Variants in ONECUT1 observed in about 807,000 individuals in gnomAD.
ONECUT1 encodes one cut homeobox 1.
In ONECUT1, 12 loss-of-function variants were observed where a neutral mutation model predicts 25.6. The observed-to-expected ratio is 0.47, with a 90% CI of 0.30 to 0.76. The LOEUF (loss-of-function observed/expected upper bound fraction) is 0.76, where lower values mean the gene tolerates loss of function less well. Among genes scored for constraint, ONECUT1 ranks in the 30% least tolerant of loss-of-function variants. The pLI is 0.07. For missense variants in ONECUT1, 620 were observed against 651.2 expected (o/e 0.95, Z 0.52); for synonymous variants, 285 against 270.2 (o/e 1.05, Z -0.54).
chr15:52,783,031 G>A (rs1261332352), intron 1 of ONECUT1, among the ~76,000 whole-genome samples: 1 of 152,098 alleles, frequency 6.6e-6, no homozygotes, highest in African/African-American at 2.4e-5. Flanking sequence ...GATAACTTGG[G>A]GTAGCAGCAT....
chr15:52,764,901 C>T (rs551273237), intron 1 of ONECUT1, among the ~76,000 whole-genome samples: 9 of 152,312 alleles, frequency 5.9e-5, no homozygotes, highest in African/African-American at 1.7e-4. Context: ...AGAAGAGAAA[C>T]GTCCAGGCGG....
At chr15:52,758,318 G>C (rs963827268) in intron 1 of ONECUT1, among the ~76,000 whole-genome samples, 1 of 152,178 alleles carries the variant, frequency 6.6e-6, no homozygotes, top group Middle Eastern at 3.4e-3. Context: ...GCCCTCAAAG[G>C]GTTTATAGTC....
rs147044668 is a variant in ONECUT1, at chr15:52,775,615, G to A, written c.1105+13165C>T. 2.7e-3 allele frequency among the ~76,000 whole-genome samples: 414 copies of A among 152,146 alleles called. 2 individuals carry two copies. The highest frequency in any genetic ancestry group is 9.8e-3 in the African/African-American group (407 of 41,508). On this transcript the variant is annotated intron_variant, in intron 1 of 1. Coordinates refer to ENST00000305901, the MANE Select transcript of ONECUT1 (RefSeq NM_004498.4). ...TTGGGAGGAAAACTTGTTTTTTTCT[G>A]TATACATTTTCATGCTGTTCAAATT...
At chr15:52,757,942 T>C (rs1310817182) in intron 1 of ONECUT1, 95 bp from the exon 2 acceptor site, 31 of 1,347,452 alleles carry the variant, frequency 2.3e-5, no homozygotes, top group African/African-American at 1.5e-5. Context: ...CCATTCCTCA[T>C]GGCCTGCTTT....
intron 1 of ONECUT1, chr15:52,781,192 C>G (rs1338223512): frequency 6.5e-6 from 1 of 152,680 alleles, no homozygotes; most frequent in Non-Finnish European, 1.5e-5. Flanking sequence ...CCGAATGGAC[C>G]AGCCCCACCC....
chr15:52,788,566 G>A lies in ONECUT1; in HGVS notation c.1105+214C>T, dbSNP rs1899751. The A allele has an allele frequency of 0.013, 6,634 of 527,110 alleles. 367 individuals are homozygous for A. Among genetic ancestry groups the A allele is most frequent in the African/African-American group, 0.11 (6,025 of 53,322 alleles). The allele number at this position is 527,110 out of a possible 1,614,324, so 32.7% of individuals were successfully genotyped here. On this transcript the variant is annotated intron_variant, in intron 1 of 1. Transcript: ENST00000305901. This position sits in a 1 kb window ranked among gnomAD's most constrained non-coding sequence, Gnocchi z 4.3. ...GCCGAGGCCCGGCCGCTTAGCTCTCGGAGCCTTCCACAGCCCAACACCCTG... is the reference window on the plus strand; with the variant it reads ...GCCGAGGCCCGGCCGCTTAGCTCTCAGAGCCTTCCACAGCCCAACACCCTG...
intron 1 of ONECUT1, among the ~76,000 whole-genome samples, chr15:52,775,452 AACACAC>A (rs139797470): frequency 7.5e-4 from 106 of 141,036 alleles, no homozygotes; most frequent in African/African-American, 1.4e-3. Flanking sequence ...TTTAAAGAGG[AACACAC>A]ACACACACAC....
chr15:52,778,995 C>CTTT lies in ONECUT1; in HGVS notation c.1105+9782_1105+9784dup, dbSNP rs547428108. 3.2e-3 allele frequency among the ~76,000 whole-genome samples: 453 copies of CTTT among 141,128 alleles called. 5 individuals carry two copies. Among genetic ancestry groups the CTTT allele is most frequent in the African/African-American group, 0.011 (421 of 39,272 alleles). 92.6% of individuals were successfully genotyped at this position (141,128 alleles called of 152,430 possible). ...TTATTCTTAATCCAGAGAGGGTTTT[C>CTTT]TTTTTTTTTTTTTTGTAACTGAAGA... On this transcript the variant is annotated intron_variant, in intron 1 of 1. Coordinates refer to ENST00000305901, the MANE Select transcript of ONECUT1 (RefSeq NM_004498.4).
At position 52,788,580 on chromosome 15, in the gene ONECUT1, C is replaced by A. The variant is rs2083892409; in HGVS notation, c.1105+200G>T. ...GCTTAGCTCTCGGAGCCTTCCACAG[C>A]CCAACACCCTGAGCCCTGGAGTAGG... On this transcript the variant is annotated intron_variant, in intron 1 of 1. Coordinates refer to ENST00000305901, the MANE Select transcript of ONECUT1 (RefSeq NM_004498.4). This position sits in a 1 kb window ranked among gnomAD's most constrained non-coding sequence, Gnocchi z 4.3. 2 of 605,962 alleles carry A rather than the reference C, an allele frequency of 3.3e-6. No homozygotes were observed. Among genetic ancestry groups the A allele is most frequent in the South Asian group, 4.6e-5 (2 of 43,468 alleles). The allele number at this position is 605,962 out of a possible 1,614,324, so 37.5% of individuals were successfully genotyped here.
At position 52,757,824 on chromosome 15, in the gene ONECUT1, G is replaced by A. The variant is rs1434153206; in HGVS notation, c.1129C>T (p.His377Tyr). ...GGTGTGTTGCCTCTATCCTTCCCAT[G>A]TTCTTGTTCTTTCCTTTTGCATGCT... ...LAACKRKEQE[H>Y]GKDRGNTPKK... The change falls in exon 2 of 2, where the codon CAT (histidine) becomes TAT (tyrosine). Residue 377 changes from histidine to tyrosine, a missense_variant. By Grantham distance (83) the His-to-Tyr change is moderately conservative (BLOSUM62 2). Around this residue, in one of 4 missense-constraint regions of ONECUT1, gnomAD observed 146 missense variants for 201.8 expected, o/e 0.72. Transcript: ENST00000305901. The A allele has an allele frequency of 1.2e-6, 2 of 1,613,482 alleles. No individual in the cohort carries two copies. The highest frequency in any genetic ancestry group is 2.2e-5 in the East Asian group (1 of 44,866).
chr15:52,788,678 G>A lies in ONECUT1; in HGVS notation c.1105+102C>T. On this transcript the variant is annotated intron_variant, in intron 1 of 1. Transcript: ENST00000305901. The surrounding 1 kb of genome is among the most constrained non-coding windows in gnomAD (Gnocchi z 4.3). Reference sequence around the variant, plus strand: ...CCCCCTTCTAGGGGTAGGGGCGGGCGGGATGAAGCGCACCCAGCCCTCTCT... The same window carrying A: ...CCCCCTTCTAGGGGTAGGGGCGGGCAGGATGAAGCGCACCCAGCCCTCTCT... The A allele has an allele frequency of 7.8e-7, 1 of 1,279,516 alleles. No individual in the cohort carries two copies. Among genetic ancestry groups the A allele is most frequent in the African/African-American group, 1.5e-5 (1 of 67,936 alleles). The allele number at this position is 1,279,516 out of a possible 1,614,324, so 79.3% of individuals were successfully genotyped here.
At position 52,777,737 on chromosome 15, in the gene ONECUT1, C is replaced by CACACACACACA. The variant is rs57187579; in HGVS notation, c.1105+11042_1105+11043insTGTGTGTGTGT. ...ACACACACACACACACACACACACA[C>CACACACACACA]AAAAAAACATGTAAAGTTATTTGTT... On this transcript the variant is annotated intron_variant, in intron 1 of 1. Transcript: ENST00000305901. 1.5e-3 allele frequency among the ~76,000 whole-genome samples: 156 copies of CACACACACACA among 103,446 alleles called. 1 individual carries two copies. The highest frequency in any genetic ancestry group is 6.5e-3 in the African/African-American group (147 of 22,580). 67.9% of individuals were successfully genotyped at this position (103,446 alleles called of 152,430 possible).
chr15:52,762,023 T>G (rs1342765337), intron 1 of ONECUT1, among the ~76,000 whole-genome samples: 3 of 152,132 alleles, frequency 2.0e-5, no homozygotes, highest in African/African-American at 7.2e-5. Context: ...AAATATAGAC[T>G]TGGAAGTCAT....
At chr15:52,780,700 T>TG in intron 1 of ONECUT1, 1 of 1,512,950 alleles carries the variant, frequency 6.6e-7, no homozygotes. Flanking sequence ...GGTCACTAGG[T>TG]GGCGCGCTTC....
Position 52,789,595 on chromosome 15 carries a change from A to G in ONECUT1, c.290T>C (p.Met97Thr). The change falls in exon 1 of 2, where the codon ATG (methionine) becomes ACG (threonine). Residue 97 changes from methionine to threonine, a missense_variant. Met to Thr is a moderately conservative substitution (Grantham distance 81). Around this residue, in one of 4 missense-constraint regions of ONECUT1, gnomAD observed 440 missense variants for 404.9 expected, o/e 1.09. Coordinates refer to ENST00000305901, the MANE Select transcript of ONECUT1 (RefSeq NM_004498.4). This position sits in a 1 kb window ranked among gnomAD's most constrained non-coding sequence, Gnocchi z 4.1. The stretch of plus-strand genomic sequence containing the variant: ...GGTGGTGTAGGTGGTGGGCATGCTC[A>G]TACCTGGGGGAGTCTCGCAGGCCAT... The part of the protein sequence containing the change: ...MTMACETPPG[M>T]SMPTTYTTLT... 2 of 1,572,816 alleles carry G rather than the reference A, an allele frequency of 1.3e-6. No individual in the cohort carries two copies. Among genetic ancestry groups the G allele is most frequent in the Non-Finnish European group, 1.7e-6 (2 of 1,156,980 alleles).
At chr15:52,783,876 G>C (rs577684756) in intron 1 of ONECUT1, among the ~76,000 whole-genome samples, 1 of 152,304 alleles carries the variant, frequency 6.6e-6, no homozygotes, top group African/African-American at 2.4e-5. Context: ...TTCATGAATT[G>C]GGTAACACCC....
intron 1 of ONECUT1, among the ~76,000 whole-genome samples, chr15:52,758,301 G>C (rs893988358): frequency 6.6e-6 from 1 of 152,290 alleles, no homozygotes; most frequent in Non-Finnish European, 1.5e-5. Context: ...AGCAAGAAGT[G>C]GTTGTAGCCC....
chr15:52,767,804 G>C (rs918596526), intron 1 of ONECUT1, among the ~76,000 whole-genome samples: 1 of 152,112 alleles, frequency 6.6e-6, no homozygotes, highest in African/African-American at 2.4e-5. Flanking sequence ...TCCATCAACA[G>C]GTGAACGGAT....
chr15:52,770,539 G>A (rs965141545), intron 1 of ONECUT1, among the ~76,000 whole-genome samples: 2 of 152,174 alleles, frequency 1.3e-5, no homozygotes, highest in African/African-American at 4.8e-5. Context: ...AGTCCCGAGC[G>A]TGAACTCCAG....
Sources: gnomAD v4.1 joint callset for allele counts (sites outside exome capture counted in the v4.1 genomes callset) on GRCh38, gnomAD v4.1.1 for gene constraint, gnomAD v4.1.1 regional missense constraint, Gnocchi (gnomAD v3.1) non-coding constraint, MANE v1.5 for transcripts, NCBI Gene and HGNC (gene_info 2026-07-23, HGNC 2026-07-21) for gene names.